Variants in SLC9B1 observed in about 807,000 individuals in gnomAD.
The protein encoded by SLC9B1 is sodium/hydrogen exchanger 9B1.
Under a neutral mutation model 51.7 loss-of-function variants are expected in SLC9B1, and 32 were observed. The ratio of observed to expected loss-of-function variants is 0.62; its 90% CI spans 0.47 to 0.83. SLC9B1 has a LOEUF of 0.83. Ranked by LOEUF, SLC9B1 falls within the 40% of genes least tolerant of loss-of-function variation. The probability of loss-of-function intolerance (pLI) is 0.00; values close to 1 mark genes in which losing one functional copy is unlikely to be tolerated. For missense variants in SLC9B1, 406 were observed against 613.2 expected (o/e 0.66, Z 3.57); for synonymous variants, 145 against 212.7 (o/e 0.68, Z 2.77).
chr4:102,950,960 A>G (rs943394803), intron 3 of SLC9B1, among the ~76,000 whole-genome samples: 2 of 152,170 alleles, frequency 1.3e-5, no homozygotes, highest in Non-Finnish European at 2.9e-5. Flanking sequence ...GCGCCACTTC[A>G]CTCCAGCCTA....
intron 11 of SLC9B1, among the ~76,000 whole-genome samples, chr4:102,905,209 G>GTTTATTTATTTATTTATTTATTTATTTA (rs138082740): frequency 1.2e-3 from 172 of 146,046 alleles, no homozygotes; most frequent in South Asian, 2.0e-3. Flanking sequence ...CTTTGTTTTT[G>GTTTATTTATTTATTTATTTATTTATTTA]TTTATTTATT....
intron 3 of SLC9B1, among the ~76,000 whole-genome samples, chr4:102,976,499 C>T (rs921926695): frequency 2.6e-5 from 4 of 152,116 alleles, no homozygotes; most frequent in Non-Finnish European, 4.4e-5. Context: ...GGATAGGTCC[C>T]AGTCATAAAG....
chr4:102,921,116 C>G (rs1735852356), intron 7 of SLC9B1, among the ~76,000 whole-genome samples: 1 of 152,156 alleles, frequency 6.6e-6, no homozygotes, highest in African/African-American at 2.4e-5. Flanking sequence ...TTATCAGATT[C>G]ACCAAGGTTG....
At chr4:103,016,733 G>C (rs1288206664) in intron 1 of SLC9B1, 1 of 151,650 alleles carries the variant, frequency 6.6e-6, no homozygotes, top group Non-Finnish European at 1.5e-5. Flanking sequence ...TGGGATTACA[G>C]GCATGAGCCA....
chr4:102,906,022 G>A (rs916361480), intron 10 of SLC9B1, among the ~76,000 whole-genome samples: 6 of 152,104 alleles, frequency 3.9e-5, no homozygotes, highest in African/African-American at 9.6e-5. Flanking sequence ...TGCAACTTCC[G>A]ACTCCCGGGT....
chr4:102,957,337 A>G (rs916347699), intron 3 of SLC9B1, among the ~76,000 whole-genome samples: 13 of 152,212 alleles, frequency 8.5e-5, no homozygotes, highest in African/African-American at 2.4e-4. Flanking sequence ...AACAAATCTC[A>G]AGTAGGATAA....
chr4:102,985,056 C>T (rs997134959), intron 3 of SLC9B1, among the ~76,000 whole-genome samples: 3 of 152,092 alleles, frequency 2.0e-5, no homozygotes, highest in African/African-American at 4.8e-5. Flanking sequence ...AAAAATTAAC[C>T]CTTTTATTAT....
chr4:102,961,374 C>T (rs545201370), intron 3 of SLC9B1, among the ~76,000 whole-genome samples: 57 of 152,294 alleles, frequency 3.7e-4, no homozygotes, highest in Non-Finnish European at 6.6e-4. Flanking sequence ...CAAAAACTGA[C>T]TACATACTTC....
At chr4:103,019,409 A>C (rs1741619540) in intron 1 of SLC9B1, among the ~76,000 whole-genome samples, 190 bp downstream of exon 1, 1 of 152,248 alleles carries the variant, frequency 6.6e-6, no homozygotes, top group African/African-American at 2.4e-5. Context: ...GAGTAAGGAA[A>C]GGAGTCACGG....
intron 7 of SLC9B1, among the ~76,000 whole-genome samples, chr4:102,927,968 T>A (rs1206343282): frequency 6.6e-6 from 1 of 150,488 alleles, no homozygotes; most frequent in Non-Finnish European, 1.5e-5. Context: ...AGCAAAACTA[T>A]CACAAGGACA....
chr4:102,892,988 C>T (rs761191042), intron 11 of SLC9B1, among the ~76,000 whole-genome samples: 23 of 151,964 alleles, frequency 1.5e-4, no homozygotes, highest in Non-Finnish European at 3.1e-4. Context: ...TAGAAAGATT[C>T]TCTTTGAGGG....
chr4:103,002,290 T>C (rs768181658), intron 1 of SLC9B1, among the ~76,000 whole-genome samples: 24 of 152,346 alleles, frequency 1.6e-4, no homozygotes, highest in Non-Finnish European at 4.4e-5. Context: ...ACATCTTCAA[T>C]GTTACATAAC....
At chr4:102,893,555 AT>A (rs1560911779) in intron 11 of SLC9B1, among the ~76,000 whole-genome samples, 1 of 152,142 alleles carries the variant, frequency 6.6e-6, no homozygotes, top group Non-Finnish European at 1.5e-5. Context: ...AGTATCCCAA[AT>A]TTTTTTTAAA....
intron 3 of SLC9B1, among the ~76,000 whole-genome samples, chr4:102,951,803 T>G (rs1737571685): frequency 6.6e-6 from 1 of 151,540 alleles, no homozygotes; most frequent in South Asian, 2.1e-4. Context: ...AGATATAATA[T>G]TTGAGAAGAA....
intron 1 of SLC9B1, among the ~76,000 whole-genome samples, chr4:103,000,333 T>A (rs1740454384): frequency 1.3e-5 from 2 of 152,248 alleles, no homozygotes; most frequent in South Asian, 4.1e-4. Context: ...AAGTCCAAAG[T>A]CTCATCTGAG....
chr4:102,918,264 T>C (rs1243657562), intron 7 of SLC9B1, among the ~76,000 whole-genome samples: 1 of 152,030 alleles, frequency 6.6e-6, no homozygotes, highest in Non-Finnish European at 1.5e-5. Flanking sequence ...TCTAAGAGTC[T>C]ACTATGAATG....
At chr4:102,959,311 T>C (rs1737967478) in intron 3 of SLC9B1, among the ~76,000 whole-genome samples, 1 of 152,120 alleles carries the variant, frequency 6.6e-6, no homozygotes, top group South Asian at 2.1e-4. Context: ...AATTACTATA[T>C]ATATGTAATT....
At chr4:102,904,898 C>T (rs1354450783) in intron 11 of SLC9B1, among the ~76,000 whole-genome samples, 3 of 151,854 alleles carry the variant, frequency 2.0e-5, no homozygotes, top group Non-Finnish European at 4.4e-5. Context: ...GCAGGAGAAT[C>T]GCTTGAACCT....
chr4:102,925,605 A>C (rs1320874646), intron 7 of SLC9B1, among the ~76,000 whole-genome samples: 1 of 152,022 alleles, frequency 6.6e-6, no homozygotes, highest in Non-Finnish European at 1.5e-5. Flanking sequence ...AAAAATTATA[A>C]ATTTTAGATA....
Sources: allele counts gnomAD v4.1 joint callset (sites outside exome capture counted in the v4.1 genomes callset), GRCh38; gene constraint gnomAD v4.1.1; transcripts MANE v1.5; gene names NCBI Gene and HGNC (gene_info 2026-07-23, HGNC 2026-07-21).